VGLL3: variants seen among roughly 807,000 people sequenced by gnomAD.
The protein encoded by VGLL3 is vestigial like family member 3.
In VGLL3, 18 loss-of-function variants were observed where a neutral mutation model predicts 29.2. The observed-to-expected ratio is 0.62, with a 90% CI of 0.43 to 0.91. The LOEUF is 0.91. Ranked by LOEUF, VGLL3 falls within the 40% of genes least tolerant of loss-of-function variation. The pLI, the probability that VGLL3 is intolerant of heterozygous loss-of-function variation, is 0.00. For synonymous variants in VGLL3, 180 were observed against 151.8 expected (o/e 1.19, Z -1.36); for missense variants, 440 against 413.2 (o/e 1.06, Z -0.56).
At chr3:86,980,893 C>A (rs1189010432) in intron 1 of VGLL3, among the ~76,000 whole-genome samples, 2 of 151,468 alleles carry the variant, frequency 1.3e-5, no homozygotes, top group African/African-American at 4.8e-5. Context: ...TCATTGTCCA[C>A]AAGTGTTCAT....
intron 3 of VGLL3, among the ~76,000 whole-genome samples, chr3:86,961,623 C>T (rs531277321): frequency 2.6e-5 from 4 of 152,130 alleles, no homozygotes; most frequent in Non-Finnish European, 4.4e-5. Context: ...CTTCCTTATA[C>T]ACAAAGGGGC....
rs1289701689 is a variant in VGLL3, at chr3:86,942,852, A to G, written c.*4172T>C. On this transcript the variant is annotated 3_prime_UTR_variant, in exon 4 of 4. Coordinates refer to ENST00000398399, the MANE Select transcript of VGLL3 (RefSeq NM_016206.4). ...ATTTCTTACAGAAAAACAATCATGT[A>G]TCTATTTGATTGCTGCAGAAACGGA... 1 of 152,212 alleles carries G rather than the reference A, an allele frequency of 6.6e-6. No homozygotes were observed. The highest frequency in any genetic ancestry group is 6.5e-5 in the Admixed American group (1 of 15,276). The allele number at this position is 152,212 out of a possible 1,614,324, so 9.4% of individuals were successfully genotyped here.
chr3:86,984,377 T>A (rs1705391064), intron 1 of VGLL3, among the ~76,000 whole-genome samples: 1 of 152,094 alleles, frequency 6.6e-6, no homozygotes, highest in Non-Finnish European at 1.5e-5. Flanking sequence ...TACTTTTGAG[T>A]GCATTTGCCT....
chr3:86,958,620 G>GA (rs1450712451), intron 3 of VGLL3, among the ~76,000 whole-genome samples: 2 of 152,138 alleles, frequency 1.3e-5, no homozygotes, highest in Non-Finnish European at 2.9e-5. Context: ...GAGAGCAGGG[G>GA]AATTTCATTA....
intron 3 of VGLL3, among the ~76,000 whole-genome samples, chr3:86,951,260 T>C (rs1403822649): frequency 6.6e-6 from 1 of 152,198 alleles, no homozygotes; most frequent in Non-Finnish European, 1.5e-5. Context: ...TACCAAAATA[T>C]CATAAACTAG....
chr3:86,968,010 A>G (rs1301696168), intron 3 of VGLL3, among the ~76,000 whole-genome samples: 1 of 152,170 alleles, frequency 6.6e-6, no homozygotes, highest in African/African-American at 2.4e-5. Context: ...AGGAGGAGGA[A>G]TAAGAGAAAA....
intron 3 of VGLL3, among the ~76,000 whole-genome samples, chr3:86,959,719 T>C (rs1426371166): frequency 6.6e-6 from 1 of 152,142 alleles, no homozygotes; most frequent in East Asian, 1.9e-4. Context: ...TGTTACTGGG[T>C]ATAAAGCTCC....
intron 3 of VGLL3, among the ~76,000 whole-genome samples, chr3:86,955,076 C>G (rs1016841638): frequency 6.6e-6 from 1 of 151,786 alleles, no homozygotes; most frequent in Non-Finnish European, 1.5e-5. Context: ...ACAGATAATC[C>G]AATCAAAGAA....
intron 3 of VGLL3, among the ~76,000 whole-genome samples, chr3:86,958,959 G>A (rs1575864311): frequency 6.6e-6 from 1 of 152,170 alleles, no homozygotes; most frequent in South Asian, 2.1e-4. Context: ...TGAAGCAATC[G>A]GGTGTTGATT....
chr3:86,986,494 A>G (rs1705444090), intron 1 of VGLL3, among the ~76,000 whole-genome samples: 1 of 152,158 alleles, frequency 6.6e-6, no homozygotes, highest in Non-Finnish European at 1.5e-5. Flanking sequence ...GGGCACTTTA[A>G]GTCTCGAAGT....
At chr3:86,966,708 A>G (rs1426611679) in intron 3 of VGLL3, among the ~76,000 whole-genome samples, 1 of 146,066 alleles carries the variant, frequency 6.8e-6, no homozygotes, top group African/African-American at 2.5e-5. Flanking sequence ...TTTCTTATTC[A>G]TAAATGAAAC....
At chr3:86,957,733 T>A (rs1027713413) in intron 3 of VGLL3, among the ~76,000 whole-genome samples, 5 of 152,212 alleles carry the variant, frequency 3.3e-5, no homozygotes, top group Non-Finnish European at 7.4e-5. Flanking sequence ...CCAGGATTTT[T>A]ATGAGCCCCT....
At chr3:86,984,698 T>C (rs1705399313) in intron 1 of VGLL3, among the ~76,000 whole-genome samples, 1 of 152,132 alleles carries the variant, frequency 6.6e-6, no homozygotes, top group East Asian at 1.9e-4. Context: ...TATCTAGTTG[T>C]CAATTAATAC....
At position 86,971,649 on chromosome 3, in the gene VGLL3, T is replaced by G. The variant is rs141794973; in HGVS notation, c.404-2526A>C. Among the ~76,000 whole-genome samples the G allele has an allele frequency of 4.6e-5, 7 of 152,318 alleles. No homozygotes were observed. In the East Asian group the frequency reaches 5.8e-4, roughly 13 times the overall value. ...TTTTCTTGAATTAACAATCGTCTCT[T>G]TGCAACATATGAAAAATACTATTAA... On this transcript the variant is annotated intron_variant, in intron 2 of 3. Transcript: ENST00000398399.
intron 3 of VGLL3, among the ~76,000 whole-genome samples, chr3:86,960,038 C>A (rs995251082): frequency 6.6e-6 from 1 of 152,012 alleles, no homozygotes; most frequent in African/African-American, 2.4e-5. Flanking sequence ...ATTGCCTGTA[C>A]CTAACAAAAC....
chr3:86,990,824 C>G lies in VGLL3; in HGVS notation c.-81G>C. On this transcript the variant is annotated 5_prime_UTR_variant, in exon 1 of 4. Coordinates refer to ENST00000398399, the MANE Select transcript of VGLL3 (RefSeq NM_016206.4). Reference sequence around the variant, plus strand: ...CGAGGGGCGCGGGCGCCGCCGCCGCCGCAGCTGCCGCCTCTGTCGCTGCTC... The same window carrying G: ...CGAGGGGCGCGGGCGCCGCCGCCGCGGCAGCTGCCGCCTCTGTCGCTGCTC... 1 of 1,190,610 alleles carries G rather than the reference C, an allele frequency of 8.4e-7. No homozygotes were observed. The highest frequency in any genetic ancestry group is 1.0e-6 in the Non-Finnish European group (1 of 954,660). The allele number at this position is 1,190,610 out of a possible 1,614,324, so 73.8% of individuals were successfully genotyped here.
intron 3 of VGLL3, among the ~76,000 whole-genome samples, chr3:86,963,867 C>A (rs1056764366): frequency 4.6e-5 from 7 of 152,134 alleles, no homozygotes; most frequent in African/African-American, 1.7e-4. Context: ...AAGCTCATGC[C>A]GTCCACTAAC....
Position 86,939,668 on chromosome 3 carries a change from A to C in VGLL3, c.*7356T>G, listed in dbSNP as rs1704352808. On this transcript the variant is annotated 3_prime_UTR_variant, in exon 4 of 4. Coordinates refer to ENST00000398399, the MANE Select transcript of VGLL3 (RefSeq NM_016206.4). ...AAACAAAAAAACAAAACAGAACAAAAACCTTGAGATGAAGAGATTATTCTG... is the reference window on the plus strand; with the variant it reads ...AAACAAAAAAACAAAACAGAACAAACACCTTGAGATGAAGAGATTATTCTG... 1 of 152,614 alleles carries C rather than the reference A, an allele frequency of 6.6e-6. No individual in the cohort carries two copies. The highest frequency in any genetic ancestry group is 2.1e-4 in the South Asian group (1 of 4,828). The allele number at this position is 152,614 out of a possible 1,614,324, so 9.5% of individuals were successfully genotyped here. A position where few individuals can be genotyped will look rare whatever the true frequency, so the allele number is the denominator to read the frequency against.
rs950590489 is a variant in VGLL3 at position 86,945,652 on chromosome 3, C to T, written c.*1372G>A. On this transcript the variant is annotated 3_prime_UTR_variant, in exon 4 of 4. Transcript: ENST00000398399. ...TCCTGAGAGCTATATCAAGTTAAAT[C>T]CTCAAATTTTTAATTTTTAGCCCAA... 5.3e-5 allele frequency: 8 copies of T among 152,088 alleles called. No homozygotes were observed. Among genetic ancestry groups the T allele is most frequent in the Non-Finnish European group, 1.0e-4 (7 of 67,994 alleles). 9.4% of individuals were successfully genotyped at this position (152,088 alleles called of 1,614,324 possible). A position where few individuals can be genotyped will look rare whatever the true frequency, so the allele number is the denominator to read the frequency against.
Sources: allele counts gnomAD v4.1 joint callset (sites outside exome capture counted in the v4.1 genomes callset), GRCh38; gene constraint gnomAD v4.1.1; transcripts MANE v1.5; gene names NCBI Gene and HGNC (gene_info 2026-07-23, HGNC 2026-07-21).